NTF3: variants seen among roughly 807,000 people sequenced by gnomAD.
The protein encoded by NTF3 is neurotrophin-3.
Under a neutral mutation model 26.3 loss-of-function variants are expected in NTF3, and 8 were observed. The observed-to-expected ratio is 0.30, with a 90% CI of 0.18 to 0.55. NTF3 has a LOEUF of 0.55. NTF3 is among the 20% of genes least tolerant of loss of function. The pLI, the probability that NTF3 is intolerant of heterozygous loss-of-function variation, is 0.93. For synonymous variants in NTF3, 154 were observed against 145.5 expected (o/e 1.06, Z -0.42); for missense variants, 276 against 352.9 (o/e 0.78, Z 1.75).
intron 1 of NTF3, among the ~76,000 whole-genome samples, chr12:5,466,903 T>G (rs1186330821): frequency 6.6e-6 from 1 of 152,106 alleles, no homozygotes; most frequent in Non-Finnish European, 1.5e-5. Context: ...AACAGGGACC[T>G]GCTAACCCTA....
chr12:5,449,618 T>A (rs1265700152), intron 1 of NTF3, among the ~76,000 whole-genome samples: 1 of 152,164 alleles, frequency 6.6e-6, no homozygotes, highest in African/African-American at 2.4e-5. Context: ...CATTCCTGAC[T>A]CCCGACTTTA....
At chr12:5,443,856 AG>A (rs1940270603) in intron 1 of NTF3, among the ~76,000 whole-genome samples, 1 of 151,990 alleles carries the variant, frequency 6.6e-6, no homozygotes, top group African/African-American at 2.4e-5. Flanking sequence ...TGTGTGCATG[AG>A]AGAGAGAGAA....
chr12:5,443,700 G>C (rs1940268164), intron 1 of NTF3, among the ~76,000 whole-genome samples: 1 of 152,102 alleles, frequency 6.6e-6, no homozygotes, highest in South Asian at 2.1e-4. Context: ...TGAGACTTTT[G>C]GTAGCTGTGG....
chr12:5,470,239 AAG>A (rs1395026168), intron 1 of NTF3, among the ~76,000 whole-genome samples: 5 of 152,104 alleles, frequency 3.3e-5, no homozygotes, highest in Admixed American at 2.0e-4. Context: ...AGCTCATTTT[AAG>A]AGAGACTTCT....
At chr12:5,443,115 C>T (rs10849270) in intron 1 of NTF3, among the ~76,000 whole-genome samples, 75,514 of 151,946 alleles carry the variant, frequency 0.5, 19,590 homozygotes, top group East Asian at 0.86. Flanking sequence ...AAGAGCTGCG[C>T]GATGTTGTGG....
intron 1 of NTF3, among the ~76,000 whole-genome samples, chr12:5,452,154 G>C (rs1054045004): frequency 1.3e-5 from 2 of 149,166 alleles, no homozygotes; most frequent in Non-Finnish European, 3.0e-5. Context: ...GGAAGGCAGT[G>C]GCGCAATCTC....
chr12:5,483,689 A>G (rs531599906), intron 1 of NTF3, among the ~76,000 whole-genome samples: 204 of 152,228 alleles, frequency 1.3e-3, no homozygotes, highest in African/African-American at 4.8e-3. Flanking sequence ...TGGTATTTCT[A>G]TTTTTAGGTC....
chr12:5,455,253 G>A (rs183821636), intron 1 of NTF3, among the ~76,000 whole-genome samples: 5 of 152,304 alleles, frequency 3.3e-5, no homozygotes, highest in South Asian at 2.1e-4. Flanking sequence ...ACACGCAAGC[G>A]TGCTACTCCT....
intron 1 of NTF3, among the ~76,000 whole-genome samples, chr12:5,479,785 C>T (rs6489626): frequency 0.53 from 79,907 of 152,056 alleles, 22,277 homozygotes; most frequent in Non-Finnish European, 0.63. Flanking sequence ...CCTTCTGTCC[C>T]TCAAGATAGC....
chr12:5,463,283 T>C (rs755985029), intron 1 of NTF3, among the ~76,000 whole-genome samples: 2 of 152,204 alleles, frequency 1.3e-5, no homozygotes, highest in South Asian at 2.1e-4. Context: ...TATAGTGCCT[T>C]CTGAATCAAC....
chr12:5,486,614 A>G (rs1033022426), intron 1 of NTF3, among the ~76,000 whole-genome samples: 1 of 152,138 alleles, frequency 6.6e-6, no homozygotes, highest in Non-Finnish European at 1.5e-5. Flanking sequence ...AAACAAAAAC[A>G]TTGACTTGGG....
At chr12:5,430,900 T>A (rs1311503918), upstream of NTF3, among the ~76,000 whole-genome samples, 1 of 151,138 alleles carries the variant, frequency 6.6e-6, no homozygotes, top group East Asian at 2.0e-4. Flanking sequence ...GGAGCGGAGG[T>A]CCACCACGCA....
At chr12:5,445,214 T>G (rs1338826253) in intron 1 of NTF3, among the ~76,000 whole-genome samples, 1 of 151,718 alleles carries the variant, frequency 6.6e-6, no homozygotes, top group Non-Finnish European at 1.5e-5. Context: ...GATGATAAAG[T>G]TTCTTGGGCA....
chr12:5,484,403 A>G (rs1412889347), intron 1 of NTF3, among the ~76,000 whole-genome samples: 2 of 152,196 alleles, frequency 1.3e-5, no homozygotes, highest in African/African-American at 4.8e-5. Flanking sequence ...ACAGGTTAAT[A>G]TGTCAACTAG....
intron 1 of NTF3, among the ~76,000 whole-genome samples, chr12:5,459,361 A>C (rs903880758): frequency 6.6e-6 from 1 of 152,194 alleles, no homozygotes; most frequent in Admixed American, 6.5e-5. Context: ...CTCAAGGCTC[A>C]GTGTCTGTCC....
intron 1 of NTF3, among the ~76,000 whole-genome samples, chr12:5,457,810 G>T (rs931052909): frequency 6.6e-6 from 1 of 152,120 alleles, no homozygotes; most frequent in African/African-American, 2.4e-5. Context: ...GGAACCACCT[G>T]CGACTCTAGT....
intron 1 of NTF3, among the ~76,000 whole-genome samples, chr12:5,481,727 A>G (rs1374057401): frequency 1.3e-5 from 2 of 149,506 alleles, no homozygotes; most frequent in Non-Finnish European, 3.0e-5. Flanking sequence ...CACACCACAC[A>G]CACACACAGA....
intron 1 of NTF3, among the ~76,000 whole-genome samples, chr12:5,467,776 C>T (rs951354753): frequency 2.6e-5 from 4 of 152,052 alleles, no homozygotes; most frequent in African/African-American, 4.8e-5. Flanking sequence ...TTTTAAATGC[C>T]GCCGTCATTT....
In NTF3 at chr12:5,462,757, C is replaced by T. The variant is rs1171609134; in HGVS notation, c.18+30415C>T. 2.0e-5 allele frequency among the ~76,000 whole-genome samples: 3 copies of T among 152,200 alleles called. No individual in the cohort carries two copies. The East Asian group carries it at 5.8e-4, about 29-fold the overall frequency. ...TCTTTCCTGAACTAATATAATGCTT[C>T]CTTGTTACCCTGGAAGGACAGAGTT... is the stretch of plus-strand genomic sequence containing the variant. On this transcript the variant is annotated intron_variant, in intron 1 of 1. Transcript: ENST00000423158.
Sources: gnomAD v4.1 joint callset for allele counts (sites outside exome capture counted in the v4.1 genomes callset) on GRCh38, gnomAD v4.1.1 for gene constraint, MANE v1.5 for transcripts, NCBI Gene and HGNC (gene_info 2026-07-23, HGNC 2026-07-21) for gene names.